ROBO1: variants seen among roughly 807,000 people sequenced by gnomAD.
ROBO1 encodes the protein roundabout guidance receptor 1.
ROBO1 carries 149 observed loss-of-function variants against 195.9 expected under a neutral mutation model. The observed-to-expected ratio is 0.76, with a 90% confidence interval of 0.67 to 0.87. The LOEUF (loss-of-function observed/expected upper bound fraction) is 0.87, where lower values mean the gene tolerates loss of function less well. ROBO1 is among the 40% of genes least tolerant of loss of function. The probability of loss-of-function intolerance (pLI) is 0.00; values close to 1 mark genes in which losing one functional copy is unlikely to be tolerated. For synonymous variants in ROBO1, 816 were observed against 733.2 expected (o/e 1.11, Z -1.82); for missense variants, 1,933 against 2,068.3 (o/e 0.93, Z 1.27).
intron 2 of ROBO1, among the ~76,000 whole-genome samples, chr3:79,510,554 T>TC (rs910530702): frequency 2.9e-5 from 2 of 69,158 alleles, no homozygotes; most frequent in Non-Finnish European, 2.6e-5. Flanking sequence ...CCTTTCTTCT[T>TC]TTTTTTTTTT....
intron 3 of ROBO1, among the ~76,000 whole-genome samples, chr3:79,049,567 G>A (rs1401114974): frequency 6.6e-5 from 10 of 151,978 alleles, no homozygotes; most frequent in Admixed American, 2.0e-4. Flanking sequence ...GATACTCCTC[G>A]AGAAGAGCAA....
chr3:79,301,640 A>G (rs1293455693), intron 2 of ROBO1, among the ~76,000 whole-genome samples: 1 of 152,226 alleles, frequency 6.6e-6, no homozygotes, highest in Non-Finnish European at 1.5e-5. Context: ...AACTTCTAAT[A>G]AATGTCCCAG....
intron 2 of ROBO1, among the ~76,000 whole-genome samples, chr3:79,467,752 A>T (rs887332820): frequency 1.3e-5 from 2 of 152,142 alleles, no homozygotes; most frequent in African/African-American, 2.4e-5. Context: ...GCAAGTGGGC[A>T]CTGAGCTTAA....
intron 10 of ROBO1, among the ~76,000 whole-genome samples, chr3:78,682,154 C>G (rs2080931018): frequency 6.6e-6 from 1 of 151,900 alleles, no homozygotes; most frequent in East Asian, 1.9e-4. Flanking sequence ...AAATTTTTCC[C>G]CCCTGAAGTT....
chr3:79,121,384 T>A (rs1358537976), intron 3 of ROBO1, among the ~76,000 whole-genome samples: 3 of 152,128 alleles, frequency 2.0e-5, no homozygotes, highest in African/African-American at 7.2e-5. Flanking sequence ...TGGGATTGGA[T>A]TCAAGTTTAT....
At chr3:79,312,793 C>T (rs2033547819) in intron 2 of ROBO1, among the ~76,000 whole-genome samples, 1 of 151,940 alleles carries the variant, frequency 6.6e-6, no homozygotes, top group South Asian at 2.1e-4. Context: ...TATAACTGTG[C>T]TAACTTGGAT....
chr3:79,018,467 T>G, intron 3 of ROBO1: 1 of 1,613,870 alleles, frequency 6.2e-7, no homozygotes, highest in South Asian at 1.1e-5. Context: ...ATCATTGTCC[T>G]CGGGTGGATC....
chr3:79,597,443 T>A (rs888790621), intron 1 of ROBO1, among the ~76,000 whole-genome samples: 3 of 152,000 alleles, frequency 2.0e-5, no homozygotes, highest in Non-Finnish European at 2.9e-5. Flanking sequence ...GGCATACACA[T>A]AAAAATAGAG....
chr3:78,875,636 G>A (rs1015563549), intron 4 of ROBO1, among the ~76,000 whole-genome samples: 3 of 152,054 alleles, frequency 2.0e-5, no homozygotes, highest in Non-Finnish European at 4.4e-5. Context: ...GAGAGGGTAT[G>A]TTGCCAACTG....
At chr3:79,485,241 C>A (rs989087204) in intron 2 of ROBO1, among the ~76,000 whole-genome samples, 11 of 151,590 alleles carry the variant, frequency 7.3e-5, no homozygotes, top group African/African-American at 2.7e-4. Flanking sequence ...TTTATTAATT[C>A]TTTTGTTAGT....
At chr3:78,742,651 T>C (rs1559806520) in intron 5 of ROBO1, among the ~76,000 whole-genome samples, 1 of 152,296 alleles carries the variant, frequency 6.6e-6, no homozygotes, top group East Asian at 1.9e-4. Context: ...GTCTTAGAAA[T>C]AGTAAAAGTT....
At chr3:79,366,673 AT>A (rs2109322675) in intron 2 of ROBO1, among the ~76,000 whole-genome samples, 1 of 152,230 alleles carries the variant, frequency 6.6e-6, no homozygotes, top group South Asian at 2.1e-4. Flanking sequence ...ACCAATAAAT[AT>A]TTGTTCAATG....
chr3:78,670,224 G>T lies in ROBO1; in HGVS notation c.1420C>A (p.Leu474Ile). 6.2e-7 allele frequency: 1 copy of T among 1,605,990 alleles called. No individual in the cohort carries two copies. The highest frequency in any genetic ancestry group is 8.5e-7 in the Non-Finnish European group (1 of 1,175,880). The stretch of plus-strand genomic sequence containing the variant: ...GGACTGCCTGTGGCCACACAGCTGA[G>T]GACGAAAGTGCCATCCACGGCTACA... Reference protein sequence around the residue: ...QTVAVDGTFVLSCVATGSPVP... With the variant: ...QTVAVDGTFVISCVATGSPVP... The change falls in exon 11 of 31, where the codon CTC (leucine) becomes ATC (isoleucine). Residue 474 changes from leucine to isoleucine, a missense_variant. Physicochemically the swap from Leu to Ile is conservative, Grantham distance 5. Coordinates refer to ENST00000464233, the MANE Select transcript of ROBO1 (RefSeq NM_002941.4).
intron 3 of ROBO1, among the ~76,000 whole-genome samples, chr3:79,124,843 AG>A (rs2108570657): frequency 6.6e-6 from 1 of 152,330 alleles, no homozygotes; most frequent in South Asian, 2.1e-4. Flanking sequence ...ATATATTTCC[AG>A]GGTGATCATT....
chr3:79,715,684 T>C (rs1038047436), intron 1 of ROBO1, among the ~76,000 whole-genome samples: 2 of 152,116 alleles, frequency 1.3e-5, no homozygotes, highest in African/African-American at 2.4e-5. Flanking sequence ...GTTTGCAGTG[T>C]TGAAATTTAT....
intron 1 of ROBO1, among the ~76,000 whole-genome samples, chr3:79,707,609 A>G (rs1230450326): frequency 6.6e-6 from 1 of 152,106 alleles, no homozygotes; most frequent in Non-Finnish European, 1.5e-5. Context: ...CCTGGGTTCA[A>G]GTGATTCTCC....
intron 2 of ROBO1, among the ~76,000 whole-genome samples, chr3:79,170,441 C>A (rs1169852075): frequency 1.3e-5 from 2 of 152,104 alleles, no homozygotes; most frequent in East Asian, 1.9e-4. Context: ...ACATAATCCA[C>A]CAATCTGTTC....
intron 1 of ROBO1, among the ~76,000 whole-genome samples, chr3:79,721,538 G>T (rs1702704526): frequency 6.6e-6 from 1 of 152,096 alleles, no homozygotes; most frequent in African/African-American, 2.4e-5. Context: ...AATCCGTATG[G>T]TTAGCATATG....
intron 2 of ROBO1, among the ~76,000 whole-genome samples, chr3:79,426,433 T>C (rs892729991): frequency 6.6e-6 from 1 of 152,124 alleles, no homozygotes; most frequent in Non-Finnish European, 1.5e-5. Context: ...CACACTGGTG[T>C]GATCTCAGCT....
Sources: allele counts gnomAD v4.1 joint callset (sites outside exome capture counted in the v4.1 genomes callset), GRCh38; gene constraint gnomAD v4.1.1; transcripts MANE v1.5; gene names NCBI Gene and HGNC (gene_info 2026-07-23, HGNC 2026-07-21).